Variants in GPC5 observed in about 807,000 individuals in gnomAD.
The protein encoded by GPC5 is glypican-5.
In GPC5, 47 loss-of-function variants were observed where a neutral mutation model predicts 53.9. The ratio of observed to expected loss-of-function variants is 0.87; its 90% CI spans 0.69 to 1.11. GPC5 has a LOEUF of 1.11. Among genes scored for constraint, GPC5 ranks in the 50% most tolerant of loss-of-function variants. The probability of loss-of-function intolerance (pLI) is 0.00; values close to 1 mark genes in which losing one functional copy is unlikely to be tolerated. For synonymous variants in GPC5, 286 were observed against 263.3 expected (o/e 1.09, Z -0.84); for missense variants, 748 against 713.1 (o/e 1.05, Z -0.56).
intron 7 of GPC5, among the ~76,000 whole-genome samples, chr13:92,232,787 G>T (rs560803018): frequency 6.6e-6 from 1 of 152,114 alleles, no homozygotes; most frequent in Non-Finnish European, 1.5e-5. Flanking sequence ...TAAACATACC[G>T]TAATTTGTGA....
At chr13:92,624,973 A>T (rs6492622) in intron 7 of GPC5, among the ~76,000 whole-genome samples, 64,547 of 152,026 alleles carry the variant, frequency 0.42, 14,454 homozygotes, top group East Asian at 0.69. Context: ...ATAAATTTAG[A>T]TTCACAATCC....
intron 7 of GPC5, among the ~76,000 whole-genome samples, chr13:92,853,010 CAG>C (rs1290352283): frequency 1.3e-5 from 2 of 152,112 alleles, no homozygotes; most frequent in African/African-American, 2.4e-5. Flanking sequence ...ATTTGCACAT[CAG>C]AGTTAGAGTT....
chr13:91,882,079 T>A (rs931716377), intron 5 of GPC5, among the ~76,000 whole-genome samples: 3 of 152,174 alleles, frequency 2.0e-5, no homozygotes, highest in African/African-American at 7.2e-5. Context: ...GATTTTATTC[T>A]TTTAAAAAAG....
At chr13:92,008,587 A>T (rs1015362867) in intron 6 of GPC5, among the ~76,000 whole-genome samples, 3 of 152,090 alleles carry the variant, frequency 2.0e-5, no homozygotes, top group African/African-American at 7.2e-5. Context: ...TTAGCTGGAT[A>T]TAGAATTCTA....
intron 2 of GPC5, among the ~76,000 whole-genome samples, chr13:91,578,562 G>A (rs1163948762): frequency 6.6e-6 from 1 of 151,998 alleles, no homozygotes; most frequent in African/African-American, 2.4e-5. Flanking sequence ...TGCAGTCCCT[G>A]TGTTTTAGGA....
At chr13:91,601,185 A>G (rs1051057169) in intron 2 of GPC5, among the ~76,000 whole-genome samples, 5 of 152,194 alleles carry the variant, frequency 3.3e-5, no homozygotes, top group Admixed American at 2.6e-4. Flanking sequence ...ACAACCAATC[A>G]ACAATTATTC....
chr13:92,597,061 C>T (rs1347724637), intron 7 of GPC5, among the ~76,000 whole-genome samples: 1 of 152,108 alleles, frequency 6.6e-6, no homozygotes, highest in African/African-American at 2.4e-5. Flanking sequence ...ACTCAGAACA[C>T]TATTTATTTT....
At chr13:91,872,799 A>G (rs1257251655) in intron 5 of GPC5, among the ~76,000 whole-genome samples, 1 of 152,186 alleles carries the variant, frequency 6.6e-6, no homozygotes, top group Non-Finnish European at 1.5e-5. Context: ...GCATATATGC[A>G]GTACAGAAAA....
At chr13:92,392,704 C>G in intron 7 of GPC5, among the ~76,000 whole-genome samples, 1 of 151,964 alleles carries the variant, frequency 6.6e-6, no homozygotes. Context: ...AACAAGTTTA[C>G]AAGAGAAACA....
rs1165571321 is a variant in GPC5 at position 92,735,071 on chromosome 13, CTT to C, written c.1562-131210_1562-131209del. Among the ~76,000 whole-genome samples the C allele has an allele frequency of 2.6e-5, 4 of 152,026 alleles. No individual in the cohort carries two copies. The East Asian group carries it at 7.8e-4, about 30-fold the overall frequency. ...AAACAGCTTTTTAATCAAATTCTCT[CTT>C]AACTACATATTGCCAACAAATAGAA... On this transcript the variant is annotated intron_variant, in intron 7 of 7. Transcript: ENST00000377067.
chr13:92,275,385 A>G (rs1176412924), intron 7 of GPC5, among the ~76,000 whole-genome samples: 1 of 152,166 alleles, frequency 6.6e-6, no homozygotes, highest in Non-Finnish European at 1.5e-5. Flanking sequence ...CTCTTGAAAT[A>G]TAACTTTAAT....
At chr13:91,530,801 A>G (rs749982520) in intron 2 of GPC5, among the ~76,000 whole-genome samples, 6 of 152,166 alleles carry the variant, frequency 3.9e-5, no homozygotes, top group Non-Finnish European at 7.3e-5. Flanking sequence ...TGCAGCAAAT[A>G]TTTTATTTCA....
chr13:91,662,533 T>C (rs2035010388), intron 2 of GPC5, among the ~76,000 whole-genome samples: 1 of 151,646 alleles, frequency 6.6e-6, no homozygotes, highest in Admixed American at 6.6e-5. Flanking sequence ...AGTAAAAGTA[T>C]GAGAAGAATT....
At chr13:91,992,409 T>C (rs2040465094) in intron 6 of GPC5, among the ~76,000 whole-genome samples, 3 of 151,830 alleles carry the variant, frequency 2.0e-5, no homozygotes, top group Non-Finnish European at 1.5e-5. Context: ...CCATTTATTA[T>C]GAAAAAAATT....
rs1450060993 is a variant in GPC5, at chr13:91,693,269, G to A, written c.408G>A (p.Glu136=). The A allele has an allele frequency of 1.2e-6, 2 of 1,613,982 alleles. No individual in the cohort carries two copies. The highest frequency in any genetic ancestry group is 1.7e-6 in the Non-Finnish European group (2 of 1,180,022). The part of the protein sequence containing the change: ...FCSTYRNMAL[E]AAASVQEFFT... ...GTACCTACAGGAACATGGCCTTGGA[G>A]GCTGCTGCTTCGGTTCAGGAGTTCT... is the stretch of plus-strand genomic sequence containing the variant. The change falls in exon 3 of 8, where the codon GAG becomes GAA. Residue 136 remains glutamate (E), a synonymous_variant. Coordinates refer to ENST00000377067, the MANE Select transcript of GPC5 (RefSeq NM_004466.6).
At chr13:91,469,045 T>A (rs1302594242) in intron 2 of GPC5, among the ~76,000 whole-genome samples, 1 of 151,476 alleles carries the variant, frequency 6.6e-6, no homozygotes, top group African/African-American at 2.4e-5. Context: ...GCCTGGCCAA[T>A]TTTCTTTGTC....
In GPC5 at chr13:91,745,510, C is replaced by G. The variant is rs1278257001; in HGVS notation, c.1155-10785C>G. On this transcript the variant is annotated intron_variant, in intron 4 of 7. Transcript: ENST00000377067. The stretch of plus-strand genomic sequence containing the variant: ...CCCTGTTGCTCCCCAACCTACCAAC[C>G]CTTTAGTTTTGTTTTGAAATCACAG... 2.0e-5 allele frequency among the ~76,000 whole-genome samples: 3 copies of G among 152,128 alleles called. No individual in the cohort carries two copies. The South Asian group carries it at 6.2e-4, about 32-fold the overall frequency.
At chr13:92,304,488 G>T (rs2043097715) in intron 7 of GPC5, among the ~76,000 whole-genome samples, 1 of 152,142 alleles carries the variant, frequency 6.6e-6, no homozygotes, top group South Asian at 2.1e-4. Context: ...ACAGGTGTGA[G>T]CCACTGCACT....
At chr13:91,752,791 A>G (rs1332634202) in intron 4 of GPC5, among the ~76,000 whole-genome samples, 2 of 152,156 alleles carry the variant, frequency 1.3e-5, no homozygotes, top group African/African-American at 2.4e-5. Context: ...TTTAACAGCA[A>G]ACTTCCAGGA....
Sources: gnomAD v4.1 joint callset for allele counts (sites outside exome capture counted in the v4.1 genomes callset) on GRCh38, gnomAD v4.1.1 for gene constraint, MANE v1.5 for transcripts, NCBI Gene and HGNC (gene_info 2026-07-23, HGNC 2026-07-21) for gene names.